The following SLC30A8 variants were observed in gnomAD, a reference collection of about 807,000 sequenced individuals.
SLC30A8 encodes the protein solute carrier family 30 member 8, also known as proton-coupled zinc antiporter SLC30A8.
Under a neutral mutation model 36.9 loss-of-function variants are expected in SLC30A8, and 27 were observed. The ratio of observed to expected loss-of-function variants is 0.73; its 90% CI spans 0.54 to 1.01. SLC30A8 has a LOEUF of 1.01. Ranked by LOEUF, SLC30A8 falls within the 50% of genes least tolerant of loss-of-function variation. The probability of loss-of-function intolerance (pLI) is 0.00; values close to 1 mark genes in which losing one functional copy is unlikely to be tolerated. For missense variants in SLC30A8, 439 were observed against 452.0 expected, an observed-to-expected ratio of 0.97 and a Z score of 0.26; for synonymous variants, 164 against 172.4, an observed-to-expected ratio of 0.95 and a Z score of 0.38.
intron 2 of SLC30A8, among the ~76,000 whole-genome samples, chr8:117,086,619 G>GGGTC (rs1444301368): frequency 2.6e-5 from 4 of 152,136 alleles, no homozygotes. Flanking sequence ...TGAGCTCCAT[G>GGGTC]GGTCTCTCAT....
At chr8:117,015,012 C>CAA (rs1816468337) in intron 1 of SLC30A8, among the ~76,000 whole-genome samples, 2 of 114,346 alleles carry the variant, frequency 1.7e-5, no homozygotes, top group Non-Finnish European at 3.5e-5. Flanking sequence ...ATATATATTA[C>CAA]AAATATATAT....
intron 1 of SLC30A8, among the ~76,000 whole-genome samples, chr8:117,015,681 C>T (rs1011389981): frequency 2.6e-5 from 4 of 152,226 alleles, no homozygotes; most frequent in Middle Eastern, 3.4e-3. Context: ...CATTTTTCCT[C>T]ATGACATCTG....
intron 2 of SLC30A8, among the ~76,000 whole-genome samples, chr8:117,047,151 T>G (rs1258300115): frequency 6.6e-6 from 1 of 152,140 alleles, no homozygotes; most frequent in Non-Finnish European, 1.5e-5. Flanking sequence ...CTGAGGGAGT[T>G]TTCCTTTGGA....
intron 4 of SLC30A8, among the ~76,000 whole-genome samples, chr8:117,158,319 T>A (rs1822606815): frequency 6.6e-6 from 1 of 152,210 alleles, no homozygotes; most frequent in Non-Finnish European, 1.5e-5. Flanking sequence ...GGTGAGCAGA[T>A]GGTGGCTTCC....
At chr8:117,122,675 A>G (rs1820738655) in intron 2 of SLC30A8, among the ~76,000 whole-genome samples, 1 of 151,952 alleles carries the variant, frequency 6.6e-6, no homozygotes, top group South Asian at 2.1e-4. Context: ...TTTTAGTGGA[A>G]CCCAGTTATA....
chr8:117,143,665 A>AACACACACACACACACAC (rs58613241), intron 1 of SLC30A8, among the ~76,000 whole-genome samples: 16 of 146,294 alleles, frequency 1.1e-4, no homozygotes, highest in African/African-American at 1.8e-4. Flanking sequence ...TCTCCCATAA[A>AACACACACACACACACAC]ACACACACAC....
At chr8:117,087,524 T>G (rs1818928410) in intron 2 of SLC30A8, among the ~76,000 whole-genome samples, 1 of 152,180 alleles carries the variant, frequency 6.6e-6, no homozygotes, top group African/African-American at 2.4e-5. Context: ...CCTTTCAAGC[T>G]GGCTTCGTCT....
chr8:117,004,851 G>A (rs950014474), intron 1 of SLC30A8, among the ~76,000 whole-genome samples: 5 of 152,020 alleles, frequency 3.3e-5, no homozygotes, highest in Non-Finnish European at 5.9e-5. Flanking sequence ...TTCGATGCAC[G>A]TTTGACTCTA....
intron 2 of SLC30A8, among the ~76,000 whole-genome samples, chr8:117,062,593 A>G (rs936469587): frequency 6.6e-6 from 1 of 152,222 alleles, no homozygotes; most frequent in Non-Finnish European, 1.5e-5. Context: ...GGGGATTACA[A>G]TTCAACATGA....
At chr8:117,111,883 AC>A (rs1486326584) in intron 2 of SLC30A8, among the ~76,000 whole-genome samples, 1 of 150,532 alleles carries the variant, frequency 6.6e-6, no homozygotes, top group Non-Finnish European at 1.5e-5. Flanking sequence ...TTATAAATGG[AC>A]AGTTTTTGAT....
chr8:117,031,450 TTTC>T (rs370579828), intron 1 of SLC30A8, among the ~76,000 whole-genome samples: 4 of 149,562 alleles, frequency 2.7e-5, no homozygotes, highest in East Asian at 1.9e-4. Flanking sequence ...TTCTTTCTTC[TTTC>T]TTCTTCTTCT....
chr8:117,036,084 G>A (rs1054910501), intron 1 of SLC30A8, among the ~76,000 whole-genome samples: 1 of 151,224 alleles, frequency 6.6e-6, no homozygotes, highest in South Asian at 2.1e-4. Flanking sequence ...CTTTACTTAC[G>A]CAACTTTCTC....
chr8:117,141,935 A>G (rs1586578961), intron 1 of SLC30A8, among the ~76,000 whole-genome samples: 1 of 152,298 alleles, frequency 6.6e-6, no homozygotes, highest in African/African-American at 2.4e-5. Flanking sequence ...GAGTGATGCT[A>G]TCATTATTCC....
At chr8:117,084,478 T>G (rs1278302490) in intron 2 of SLC30A8, among the ~76,000 whole-genome samples, 1 of 152,188 alleles carries the variant, frequency 6.6e-6, no homozygotes, top group Non-Finnish European at 1.5e-5. Context: ...TCCAGAAAGA[T>G]GCAACCATTT....
intron 2 of SLC30A8, among the ~76,000 whole-genome samples, chr8:117,101,472 T>C (rs1375502442): frequency 6.6e-6 from 1 of 152,180 alleles, no homozygotes; most frequent in Non-Finnish European, 1.5e-5. Flanking sequence ...CTGAAGACAC[T>C]GGAAAAATTC....
intron 2 of SLC30A8, among the ~76,000 whole-genome samples, chr8:117,060,160 A>T (rs918513121): frequency 2.0e-5 from 3 of 151,966 alleles, no homozygotes; most frequent in Non-Finnish European, 2.9e-5. Context: ...GAGAATGGAG[A>T]TGCTTTTTTA....
At chr8:117,157,496 G>A (rs1342521042) in intron 3 of SLC30A8, among the ~76,000 whole-genome samples, 195 bp from the exon 4 acceptor site, 2 of 152,146 alleles carry the variant, frequency 1.3e-5, no homozygotes, top group African/African-American at 4.8e-5. Flanking sequence ...AGATGCTGGT[G>A]TTTTATGAAT....
At chr8:117,037,477 G>A (rs571147056) in intron 1 of SLC30A8, among the ~76,000 whole-genome samples, 82 of 152,262 alleles carry the variant, frequency 5.4e-4, no homozygotes, top group African/African-American at 1.9e-3. Flanking sequence ...GGATGAATAC[G>A]TGAGCAGGGG....
intron 1 of SLC30A8, among the ~76,000 whole-genome samples, chr8:116,992,491 T>C (rs575844575): frequency 2.0e-5 from 3 of 151,544 alleles, no homozygotes; most frequent in African/African-American, 7.3e-5. Flanking sequence ...CTAGACACAA[T>C]ATGAGACTTA....
Sources: gnomAD v4.1 joint callset for allele counts (sites outside exome capture counted in the v4.1 genomes callset) on GRCh38, gnomAD v4.1.1 for gene constraint, MANE v1.5 for transcripts, NCBI Gene and HGNC (gene_info 2026-07-23, HGNC 2026-07-21) for gene names.